Variants in POU6F2 observed in about 807,000 individuals in gnomAD.
The protein encoded by POU6F2 is POU domain, class 6, transcription factor 2.
Under a neutral mutation model 71.3 loss-of-function variants are expected in POU6F2, and 31 were observed. The ratio of observed to expected loss-of-function variants is 0.43; its 90% confidence interval spans 0.33 to 0.59. The LOEUF (loss-of-function observed/expected upper bound fraction) is 0.59, where lower values mean the gene tolerates loss of function less well. Among genes scored for constraint, POU6F2 ranks in the 20% least tolerant of loss-of-function variants. The probability of loss-of-function intolerance (pLI) is 0.04; values close to 1 mark genes in which losing one functional copy is unlikely to be tolerated. For missense variants in POU6F2, 783 were observed against 856.8 expected, an observed-to-expected ratio of 0.91 and a Z score of 1.07; for synonymous variants, 347 against 355.7, an observed-to-expected ratio of 0.98 and a Z score of 0.27.
intron 5 of POU6F2, among the ~76,000 whole-genome samples, chr7:39,398,261 A>G (rs999242178): frequency 1.3e-5 from 2 of 152,138 alleles, no homozygotes; most frequent in African/African-American, 2.4e-5. Flanking sequence ...AGCGGGAGAA[A>G]GAGGATAAAC....
In POU6F2 at chr7:39,166,391, C is replaced by G. The variant is rs1163215696; in HGVS notation, c.278-37844C>G. Among the ~76,000 whole-genome samples the G allele has an allele frequency of 5.3e-5, 8 of 152,188 alleles. No individual in the cohort carries two copies. The East Asian group carries it at 1.3e-3, about 26-fold the overall frequency. ...TCTCTCCAAGTTCAATTTGGCTTGA[C>G]CTCTAGTATCTCCCAACCTTATTTG... On this transcript the variant is annotated intron_variant, in intron 2 of 9. Transcript: ENST00000518318.
At chr7:39,079,704 A>C (rs1344001372) in intron 1 of POU6F2, among the ~76,000 whole-genome samples, 1 of 152,172 alleles carries the variant, frequency 6.6e-6, no homozygotes, top group Non-Finnish European at 1.5e-5. Flanking sequence ...GATTAAAGAA[A>C]ATTTCAGCCA....
rs369228090 is a variant in POU6F2, at chr7:39,235,958, T to C, written c.598+28338T>C. ...GATGAGATAAATAACTCCTAAGATA[T>C]GATCATTATTGAAATAGATTACTGA... On this transcript the variant is annotated intron_variant, in intron 4 of 9. Coordinates refer to ENST00000518318, the MANE Select transcript of POU6F2 (RefSeq NM_001370959.1). Among the ~76,000 whole-genome samples the C allele has an allele frequency of 1.2e-4, 18 of 152,338 alleles. No homozygotes were observed. The South Asian group carries it at 3.5e-3, about 30-fold the overall frequency.
intron 1 of POU6F2, among the ~76,000 whole-genome samples, chr7:39,061,867 C>T (rs571385582): frequency 2.0e-5 from 3 of 152,272 alleles, no homozygotes; most frequent in African/African-American, 7.2e-5. Context: ...GCTCTTTTCT[C>T]AAGAATGCAG....
intron 4 of POU6F2, among the ~76,000 whole-genome samples, chr7:39,221,213 C>T (rs762977935): frequency 6.6e-6 from 1 of 151,866 alleles, no homozygotes; most frequent in Non-Finnish European, 1.5e-5. Flanking sequence ...ATAAAAATAA[C>T]AGGTACATGT....
chr7:39,444,293 C>A (rs930763507), intron 7 of POU6F2, among the ~76,000 whole-genome samples: 13 of 152,096 alleles, frequency 8.5e-5, no homozygotes, highest in African/African-American at 1.4e-4. Context: ...CAGAAAAAAA[C>A]CAGATGAAGG....
At chr7:39,457,292 T>C (rs908642296) in intron 8 of POU6F2, among the ~76,000 whole-genome samples, 1 of 152,146 alleles carries the variant, frequency 6.6e-6, no homozygotes, top group African/African-American at 2.4e-5. Context: ...CCTTCCAGAT[T>C]AAAGACCTGC....
At chr7:39,381,745 A>G (rs983456815) in intron 5 of POU6F2, among the ~76,000 whole-genome samples, 3 of 152,268 alleles carry the variant, frequency 2.0e-5, no homozygotes, top group African/African-American at 7.2e-5. Context: ...GACAATGCCC[A>G]TGTTCCAATT....
intron 2 of POU6F2, among the ~76,000 whole-genome samples, chr7:39,130,416 T>C (rs2128729445): frequency 6.6e-6 from 1 of 152,266 alleles, no homozygotes; most frequent in African/African-American, 2.4e-5. Context: ...AATGACTTAG[T>C]TGACAGTACA....
intron 2 of POU6F2, among the ~76,000 whole-genome samples, chr7:39,191,139 C>T (rs924044785): frequency 3.9e-5 from 6 of 152,104 alleles, no homozygotes; most frequent in African/African-American, 1.2e-4. Flanking sequence ...CTAAGATATA[C>T]GGCCTTTTAA....
chr7:39,169,461 A>G (rs1172206009), intron 2 of POU6F2, among the ~76,000 whole-genome samples: 2 of 152,220 alleles, frequency 1.3e-5, no homozygotes, highest in African/African-American at 4.8e-5. Context: ...AACCAACAAC[A>G]AAAACCTGTT....
intron 2 of POU6F2, among the ~76,000 whole-genome samples, chr7:39,184,460 C>T (rs563480917): frequency 1.1e-4 from 16 of 152,284 alleles, no homozygotes; most frequent in South Asian, 2.1e-4. Flanking sequence ...CCTAAATTTA[C>T]GCCCAGCACA....
intron 4 of POU6F2, among the ~76,000 whole-genome samples, chr7:39,218,437 A>G (rs1006120183): frequency 9.9e-5 from 15 of 152,204 alleles, no homozygotes; most frequent in Non-Finnish European, 1.8e-4. Flanking sequence ...AATGCTCTCC[A>G]AGAAAACCGT....
At chr7:39,157,428 A>G (rs1053550445) in intron 2 of POU6F2, among the ~76,000 whole-genome samples, 3 of 152,140 alleles carry the variant, frequency 2.0e-5, no homozygotes, top group Non-Finnish European at 4.4e-5. Context: ...TTTATTTATT[A>G]TCGATTTTTT....
At chr7:38,999,296 G>A (rs1414023635) in intron 1 of POU6F2, among the ~76,000 whole-genome samples, 2 of 152,140 alleles carry the variant, frequency 1.3e-5, no homozygotes, top group African/African-American at 4.8e-5. Context: ...TTTTCCCGCA[G>A]CCTGTAGCAC....
At chr7:39,314,857 T>C (rs1785232816) in intron 4 of POU6F2, among the ~76,000 whole-genome samples, 1 of 152,076 alleles carries the variant, frequency 6.6e-6, no homozygotes, top group Non-Finnish European at 1.5e-5. Context: ...AGGTAATTAC[T>C]CTTCTGAACT....
intron 4 of POU6F2, among the ~76,000 whole-genome samples, chr7:39,303,685 A>G (rs750920409): frequency 4.6e-5 from 7 of 152,204 alleles, no homozygotes; most frequent in Admixed American, 6.5e-5. Context: ...ACCAACTATG[A>G]CAGGTGATGA....
chr7:39,150,225 C>CTGTGTGTGTGTGTGTGTGTGTGTGTGTG (rs60761447), intron 2 of POU6F2, among the ~76,000 whole-genome samples: 5 of 141,160 alleles, frequency 3.5e-5, no homozygotes, highest in African/African-American at 1.4e-4. Context: ...AGTAATATGT[C>CTGTGTGTGTGTGTGTGTGTGTGTGTGTG]TGTGTGTGTG....
chr7:38,985,882 C>T (rs904421257), intron 1 of POU6F2, among the ~76,000 whole-genome samples: 6 of 152,140 alleles, frequency 3.9e-5, no homozygotes, highest in Non-Finnish European at 8.8e-5. Context: ...AACAGTCCTA[C>T]ATTGTTCCTA....
Sources: gnomAD v4.1 joint callset for allele counts (sites outside exome capture counted in the v4.1 genomes callset) on GRCh38, gnomAD v4.1.1 for gene constraint, MANE v1.5 for transcripts, NCBI Gene and HGNC (gene_info 2026-07-23, HGNC 2026-07-21) for gene names.